Variants in MYH11 observed in about 807,000 individuals in gnomAD.
MYH11 encodes myosin-11.
Under a neutral mutation model 246.6 loss-of-function variants are expected in MYH11, and 80 were observed. That is an observed-to-expected ratio of 0.32 (90% CI 0.27 to 0.39). The LOEUF is 0.39. Among genes scored for constraint, MYH11 ranks in the 10% least tolerant of loss-of-function variants. The pLI is 1.00. For missense variants in MYH11, 2,158 were observed against 2,546.8 expected, an observed-to-expected ratio of 0.85 and a Z score of 3.29; for synonymous variants, 1,071 against 1,015.5, an observed-to-expected ratio of 1.05 and a Z score of -1.04.
At position 15,766,438 on chromosome 16, in the gene MYH11, G is replaced by A. The variant is rs149720119; in HGVS notation, c.1034-2547C>T. On this transcript the variant is annotated intron_variant, in intron 9 of 40. Transcript: ENST00000300036. Reference sequence around the variant, plus strand: ...GGTTGGAGTGCATTGGTGCAATCTCGGCTCACTGCAACCTCTGCGCTTCCC... The same window carrying A: ...GGTTGGAGTGCATTGGTGCAATCTCAGCTCACTGCAACCTCTGCGCTTCCC... 2.0e-5 allele frequency among the ~76,000 whole-genome samples: 3 copies of A among 150,174 alleles called. No individual in the cohort carries two copies. In the East Asian group the frequency reaches 6.0e-4, roughly 30 times the overall value.
At chr16:15,825,386 CAA>C (rs1212947132) in intron 2 of MYH11, among the ~76,000 whole-genome samples, 278 of 60,976 alleles carry the variant, frequency 4.6e-3, no homozygotes, top group African/African-American at 0.012. Context: ...CCCCTCTCTA[CAA>C]AAAAAAAAAA....
chr16:15,767,026 G>A (rs145736646), intron 9 of MYH11, among the ~76,000 whole-genome samples: 160 of 152,196 alleles, frequency 1.1e-3, no homozygotes, highest in Non-Finnish European at 1.6e-3. Context: ...TCCTAGTTCC[G>A]GGTCCAGATA....
Position 15,715,217 on chromosome 16 carries a change from T to C in MYH11, c.5560A>G (p.Ile1854Val). ...CGCTCGTCCTCCACCTGCAGCAAGA[T>C]TTCCTTCAGCTTCTTGTCTTTCTGC... ...LKQKDKKLKE[I>V]LLQVEDERKM... Residue 1854 changes from isoleucine to valine, a missense_variant, in exon 39 of 41, where the codon ATC (isoleucine) becomes GTC (valine). By Grantham distance (29) the Ile-to-Val change is conservative (BLOSUM62 3). This residue lies in a region of MYH11 where 1,013 missense variants were observed against 993.5 expected (regional missense o/e 1.02). Coordinates refer to ENST00000300036, the MANE Select transcript of MYH11 (RefSeq NM_002474.3). The C allele has an allele frequency of 6.2e-7, 1 of 1,614,160 alleles. No individual in the cohort carries two copies. Among genetic ancestry groups the C allele is most frequent in the Non-Finnish European group, 8.5e-7 (1 of 1,180,040 alleles).
At chr16:15,706,297 C>G (rs2039450391) in intron 40 of MYH11, among the ~76,000 whole-genome samples, 2 of 152,106 alleles carry the variant, frequency 1.3e-5, no homozygotes, top group South Asian at 4.1e-4. Context: ...CACTGTTTTC[C>G]AAGCGCTTGA....
chr16:15,703,970 T>G lies in MYH11; in HGVS notation c.*21A>C. The G allele has an allele frequency of 6.2e-7, 1 of 1,613,986 alleles. No homozygotes were observed. The highest frequency in any genetic ancestry group is 8.5e-7 in the Non-Finnish European group (1 of 1,179,944). On this transcript the variant is annotated 3_prime_UTR_variant, in exon 41 of 41. Transcript: ENST00000300036. ...TTGGTTTTTGGTTTTCTTGCCGTGG[T>G]GCAAAACTGTAGAAAGTTGCTTATT...
intron 2 of MYH11, among the ~76,000 whole-genome samples, chr16:15,823,775 G>A (rs1267921318): frequency 4.6e-5 from 7 of 152,150 alleles, no homozygotes; most frequent in Admixed American, 2.0e-4. Context: ...ACAGGCGGGC[G>A]CCACCAGGCC....
chr16:15,848,499 G>T (rs1242277197), intron 1 of MYH11, among the ~76,000 whole-genome samples: 2 of 152,094 alleles, frequency 1.3e-5, no homozygotes, highest in Admixed American at 1.3e-4. Context: ...CCCCCAAAGT[G>T]CTGGGATTAC....
At position 15,812,551 on chromosome 16, in the gene MYH11, T is replaced by TAAA. The variant is rs71134466; in HGVS notation, c.502+10701_502+10703dup. Among the ~76,000 whole-genome samples the TAAA allele has an allele frequency of 2.0e-3, 76 of 37,412 alleles. 6 individuals carry two copies. The highest frequency in any genetic ancestry group is 6.0e-3 in the African/African-American group (56 of 9,340). 24.5% of individuals were successfully genotyped at this position (37,412 alleles called of 152,430 possible). On this transcript the variant is annotated intron_variant, in intron 3 of 40. Coordinates refer to ENST00000300036, the MANE Select transcript of MYH11 (RefSeq NM_002474.3). ...GGGCAACACAGTAAGATCTTATCTC[T>TAAA]AAAAAAAAAAAAAAAAAAAAAAAAA... is the stretch of plus-strand genomic sequence containing the variant.
rs758572240 is a variant in MYH11, at chr16:15,719,209, C to T, written c.5171+11G>A. ...TGCTTCAGAGCCCTCTTCCTCCATT[C>T]AGTTTCCTACCTTCCCGACAGGCTA... On this transcript the variant is annotated intron_variant, in intron 36 of 40. Transcript: ENST00000300036. The T allele has an allele frequency of 1.2e-5, 19 of 1,612,996 alleles. No homozygotes were observed. Among genetic ancestry groups the T allele is most frequent in the African/African-American group, 2.7e-5 (2 of 74,920 alleles).
intron 23 of MYH11, among the ~76,000 whole-genome samples, chr16:15,739,088 CCCCCACTGCTGTATT>C (rs2041200625): frequency 6.6e-6 from 1 of 151,844 alleles, no homozygotes; most frequent in South Asian, 2.1e-4. Context: ...CTTCCTCTAT[CCCCCACTGCTGTATT>C]CTTTTTTTTT....
chr16:15,786,837 G>A lies in MYH11; in HGVS notation c.531-105C>T. 2.8e-6 allele frequency: 3 copies of A among 1,083,068 alleles called. No individual in the cohort carries two copies. The South Asian group carries it at 4.0e-5, about 14-fold the overall frequency. 67.1% of individuals were successfully genotyped at this position (1,083,068 alleles called of 1,614,324 possible). A position where few individuals can be genotyped will look rare whatever the true frequency, so the allele number is the denominator to read the frequency against. On this transcript the variant is annotated intron_variant, in intron 4 of 40. Coordinates refer to ENST00000300036, the MANE Select transcript of MYH11 (RefSeq NM_002474.3). Reference sequence around the variant, plus strand: ...ATGATCATCACCACCATTTCCCAGAGGGTGAAACAGAGGCTCCCAGAGGGG... The same window carrying A: ...ATGATCATCACCACCATTTCCCAGAAGGTGAAACAGAGGCTCCCAGAGGGG...
At chr16:15,833,134 C>CAA (rs1379429447) in intron 2 of MYH11, among the ~76,000 whole-genome samples, 4 of 150,654 alleles carry the variant, frequency 2.7e-5, no homozygotes, top group African/African-American at 9.8e-5. Context: ...CCACCTCTAC[C>CAA]AAAAACACAA....
intron 2 of MYH11, among the ~76,000 whole-genome samples, chr16:15,830,974 C>G (rs566409323): frequency 4.5e-4 from 68 of 152,250 alleles, no homozygotes; most frequent in South Asian, 8.3e-4. Flanking sequence ...GAGATCGAGA[C>G]CAGCCTGGCC....
intron 20 of MYH11, among the ~76,000 whole-genome samples, chr16:15,744,172 T>C (rs2041352945): frequency 6.6e-6 from 1 of 152,110 alleles, no homozygotes; most frequent in African/African-American, 2.4e-5. Flanking sequence ...GGATGCTCTC[T>C]AATTCCATGT....
At chr16:15,726,809 C>T (rs749179435) in intron 28 of MYH11, 39 bp downstream of exon 28, 2 of 1,608,664 alleles carry the variant, frequency 1.2e-6, no homozygotes, top group Admixed American at 1.7e-5. Context: ...CTGGGCACCA[C>T]CCAGCACTGC....
At chr16:15,842,981 T>A (rs1032124603) in intron 1 of MYH11, among the ~76,000 whole-genome samples, 1 of 152,130 alleles carries the variant, frequency 6.6e-6, no homozygotes, top group African/African-American at 2.4e-5. Flanking sequence ...TGACTCCAGT[T>A]ACCCTATCTT....
At chr16:15,791,293 C>G (rs2042603423) in intron 4 of MYH11, 1 of 152,204 alleles carries the variant, frequency 6.6e-6, no homozygotes, top group African/African-American at 2.4e-5. Context: ...AATTCTGCAG[C>G]TGGTCCTGGC....
chr16:15,854,545 A>G (rs1450747500), intron 1 of MYH11, among the ~76,000 whole-genome samples: 3 of 152,232 alleles, frequency 2.0e-5, no homozygotes, highest in African/African-American at 7.2e-5. Flanking sequence ...AAGACGTAAG[A>G]TAATGTCCAC....
At chr16:15,817,521 G>C (rs748152187) in intron 3 of MYH11, among the ~76,000 whole-genome samples, 3 of 152,048 alleles carry the variant, frequency 2.0e-5, no homozygotes, top group African/African-American at 7.3e-5. Flanking sequence ...AAAAAAAAAG[G>C]GGGGGAGAAT....
Sources: allele counts gnomAD v4.1 joint callset (sites outside exome capture counted in the v4.1 genomes callset), GRCh38; gene constraint gnomAD v4.1.1; regional missense constraint gnomAD v4.1.1; transcripts MANE v1.5; gene names NCBI Gene and HGNC (gene_info 2026-07-23, HGNC 2026-07-21).